The following CSNK1G1 variants were observed in gnomAD, a reference collection of about 807,000 sequenced individuals.
The protein encoded by CSNK1G1 is casein kinase 1 gamma 1.
A neutral mutation model predicts 59.6 loss-of-function variants in CSNK1G1; 22 were observed. The ratio of observed to expected loss-of-function variants is 0.37; its 90% confidence interval spans 0.26 to 0.53. CSNK1G1 has a LOEUF of 0.53. Ranked by LOEUF, CSNK1G1 falls within the 20% of genes least tolerant of loss-of-function variation. The probability of loss-of-function intolerance (pLI) is 0.89; values close to 1 mark genes in which losing one functional copy is unlikely to be tolerated. For missense variants in CSNK1G1, 384 were observed against 519.5 expected, an observed-to-expected ratio of 0.74 and a Z score of 2.54; for synonymous variants, 179 against 177.1, an observed-to-expected ratio of 1.01 and a Z score of -0.08.
At chr15:64,353,680 C>A (rs1898462278) in intron 1 of CSNK1G1, among the ~76,000 whole-genome samples, 1 of 150,308 alleles carries the variant, frequency 6.7e-6, no homozygotes, top group East Asian at 2.0e-4. Context: ...AAAAAGACTT[C>A]ATGGGCTGGG....
chr15:64,231,691 C>T (rs373107237), intron 4 of CSNK1G1, among the ~76,000 whole-genome samples: 2 of 152,102 alleles, frequency 1.3e-5, no homozygotes, highest in East Asian at 1.9e-4. Context: ...TAAAGCTCAG[C>T]CCCATACATG....
intron 2 of CSNK1G1, among the ~76,000 whole-genome samples, chr15:64,296,979 G>A (rs1895058600): frequency 7.6e-6 from 1 of 132,388 alleles, no homozygotes; most frequent in African/African-American, 3.0e-5. Flanking sequence ...GGAACCGATA[G>A]GTCTACTATC....
intron 2 of CSNK1G1, among the ~76,000 whole-genome samples, chr15:64,273,730 T>TAAAAA (rs780466407): frequency 9.2e-6 from 1 of 108,978 alleles, no homozygotes. Flanking sequence ...GCTGATGAGC[T>TAAAAA]AAAAAAAAAA....
At chr15:64,242,832 A>G (rs1891543616) in intron 4 of CSNK1G1, among the ~76,000 whole-genome samples, 3 of 152,330 alleles carry the variant, frequency 2.0e-5, no homozygotes, top group Non-Finnish European at 2.9e-5. Context: ...AAAATTCTTA[A>G]CAAAATACTA....
At chr15:64,291,334 C>CCCAG (rs1894730079) in intron 2 of CSNK1G1, among the ~76,000 whole-genome samples, 1 of 152,148 alleles carries the variant, frequency 6.6e-6, no homozygotes. Flanking sequence ...CGCCTGTAAT[C>CCCAG]CCAGCACTTT....
intron 1 of CSNK1G1, among the ~76,000 whole-genome samples, chr15:64,321,991 G>A (rs1025318639): frequency 1.3e-5 from 2 of 152,144 alleles, no homozygotes; most frequent in Non-Finnish European, 2.9e-5. Context: ...ACATTTTACT[G>A]TATTTTTTCT....
chr15:64,180,236 T>C, intron 11 of CSNK1G1, 112 bp downstream of exon 11: 2 of 763,230 alleles, frequency 2.6e-6, no homozygotes, highest in South Asian at 1.6e-5. Flanking sequence ...GGAAGAAAGC[T>C]GTGGTTACAA....
chr15:64,320,368 C>T (rs1896494066), intron 1 of CSNK1G1, among the ~76,000 whole-genome samples: 1 of 152,000 alleles, frequency 6.6e-6, no homozygotes, highest in Non-Finnish European at 1.5e-5. Flanking sequence ...ATTTCTGCTC[C>T]TGTTGAATTT....
At position 64,286,134 on chromosome 15, in the gene CSNK1G1, G is replaced by C. The variant is rs371948877; in HGVS notation, c.181+14185C>G. ...AATGTTCTTTCACGTTCTCACCCCC[G>C]GACCCCAGCCCTTTCTCCTTACTGC... is the stretch of plus-strand genomic sequence containing the variant. On this transcript the variant is annotated intron_variant, in intron 2 of 11. Coordinates refer to ENST00000303052, the MANE Select transcript of CSNK1G1 (RefSeq NM_022048.5). Among the ~76,000 whole-genome samples the C allele has an allele frequency of 5.5e-4, 84 of 152,082 alleles. 1 individual carries two copies. The South Asian group carries it at 0.016, about 29-fold the overall frequency.
At chr15:64,283,556 G>C (rs1894255967) in intron 2 of CSNK1G1, among the ~76,000 whole-genome samples, 1 of 151,032 alleles carries the variant, frequency 6.6e-6, no homozygotes, top group South Asian at 2.1e-4. Context: ...TGGCCAGGCT[G>C]GTCTCAAACT....
intron 2 of CSNK1G1, among the ~76,000 whole-genome samples, chr15:64,290,814 C>T (rs941297067): frequency 6.6e-6 from 1 of 152,054 alleles, no homozygotes; most frequent in Non-Finnish European, 1.5e-5. Context: ...TGCAATGGCA[C>T]GATCTCAGCT....
At chr15:64,350,337 C>CA (rs1408086876) in intron 1 of CSNK1G1, among the ~76,000 whole-genome samples, 9 of 151,824 alleles carry the variant, frequency 5.9e-5, no homozygotes, top group Non-Finnish European at 1.2e-4. Flanking sequence ...ACTAAAAATA[C>CA]AAAAAGAAAA....
At chr15:64,306,177 G>A (rs1313444309) in intron 1 of CSNK1G1, among the ~76,000 whole-genome samples, 1 of 152,176 alleles carries the variant, frequency 6.6e-6, no homozygotes, top group Non-Finnish European at 1.5e-5. Flanking sequence ...CTGCTCTGGG[G>A]AAGGCACTGC....
chr15:64,333,511 C>T (rs1897229602), intron 1 of CSNK1G1, among the ~76,000 whole-genome samples: 1 of 138,604 alleles, frequency 7.2e-6, no homozygotes, highest in Non-Finnish European at 1.6e-5. Context: ...CTCACAAGGT[C>T]TATAAAATAA....
At chr15:64,182,052 C>CGTTTTT (rs2081822009) in intron 10 of CSNK1G1, 1 of 118,372 alleles carries the variant, frequency 8.4e-6, no homozygotes, top group African/African-American at 4.1e-5. Flanking sequence ...ATTAGTAACC[C>CGTTTTT]GTTTTTTTTT....
chr15:64,180,228 A>T, intron 11 of CSNK1G1, 120 bp downstream of exon 11: 2 of 727,812 alleles, frequency 2.7e-6, no homozygotes, highest in South Asian at 3.3e-5. Flanking sequence ...ACAGTTAAGG[A>T]AGAAAGCTGT....
chr15:64,273,453 T>C (rs1893436620), intron 2 of CSNK1G1, among the ~76,000 whole-genome samples: 1 of 152,222 alleles, frequency 6.6e-6, no homozygotes, highest in Non-Finnish European at 1.5e-5. Context: ...GTAAATATTT[T>C]GTAAACTGCA....
chr15:64,180,497 C>T, intron 10 of CSNK1G1, 43 bp from the exon 11 acceptor site: 4 of 1,496,944 alleles, frequency 2.7e-6, no homozygotes, highest in Admixed American at 1.7e-5. Flanking sequence ...ACCATGGCAA[C>T]AGAAATCTCT....
chr15:64,282,393 T>G (rs1451871608), intron 2 of CSNK1G1, among the ~76,000 whole-genome samples: 1 of 152,030 alleles, frequency 6.6e-6, no homozygotes, highest in Non-Finnish European at 1.5e-5. Context: ...GCCACCCAAG[T>G]AGCTGGGATT....
Sources: allele counts gnomAD v4.1 joint callset (sites outside exome capture counted in the v4.1 genomes callset), GRCh38; gene constraint gnomAD v4.1.1; transcripts MANE v1.5; gene names NCBI Gene and HGNC (gene_info 2026-07-23, HGNC 2026-07-21).